Variants in DIAPH2 observed in about 807,000 individuals in gnomAD.
The protein encoded by DIAPH2 is protein diaphanous homolog 2.
Under a neutral mutation model 92.7 loss-of-function variants are expected in DIAPH2, and 35 were observed. The observed-to-expected ratio is 0.38, with a 90% confidence interval of 0.29 to 0.50. The LOEUF (loss-of-function observed/expected upper bound fraction) is 0.50, where lower values mean the gene tolerates loss of function less well. Among genes scored for constraint, DIAPH2 ranks in the 20% least tolerant of loss-of-function variants. DIAPH2 has a pLI of 0.94. For missense variants in DIAPH2, 701 were observed against 819.5 expected (o/e 0.86, Z 1.77); for synonymous variants, 301 against 280.4 (o/e 1.07, Z -0.73).
chrX:97,533,962 C>T (rs2071078431), intron 26 of DIAPH2, among the ~76,000 whole-genome samples: 1 of 111,747 alleles, frequency 8.9e-6, no homozygotes. Flanking sequence ...GTAGTTTACT[C>T]ATTCTAACTC....
At chrX:97,048,858 G>A (rs564426041) in intron 17 of DIAPH2, among the ~76,000 whole-genome samples, 3 of 110,457 alleles carry the variant, frequency 2.7e-5, no homozygotes, top group East Asian at 5.7e-4. Flanking sequence ...GCCAGATTTA[G>A]CCAGTGAGAG....
intron 19 of DIAPH2, among the ~76,000 whole-genome samples, chrX:97,077,154 G>T (rs2066710851): frequency 9.0e-6 from 1 of 111,674 alleles, no homozygotes; most frequent in Non-Finnish European, 1.9e-5. Flanking sequence ...CTTTTATCTA[G>T]ACAAATCAAA....
At chrX:97,377,939 AAG>A (rs2069515916) in intron 24 of DIAPH2, among the ~76,000 whole-genome samples, 1 of 111,011 alleles carries the variant, frequency 9.0e-6, no homozygotes, top group Non-Finnish European at 1.9e-5. Context: ...AGGCGACTGA[AAG>A]AAACAATTTA....
intron 23 of DIAPH2, among the ~76,000 whole-genome samples, chrX:97,311,826 TC>T (rs1434984333): frequency 9.1e-6 from 1 of 110,414 alleles, no homozygotes; most frequent in Non-Finnish European, 1.9e-5. Flanking sequence ...GCCGTTATCA[TC>T]TTTTTTTTTT....
intron 20 of DIAPH2, among the ~76,000 whole-genome samples, chrX:97,111,922 T>C (rs781081754): frequency 2.0e-4 from 22 of 112,632 alleles, no homozygotes; most frequent in African/African-American, 6.4e-4. Context: ...AGGATTGTTT[T>C]GAGAATCAAA....
At chrX:96,739,833 C>T (rs753893381) in intron 3 of DIAPH2, among the ~76,000 whole-genome samples, 1 of 111,727 alleles carries the variant, frequency 9.0e-6, no homozygotes, top group African/African-American at 3.3e-5. Context: ...CTGCTCCTTT[C>T]GTGCTATCTT....
intron 1 of DIAPH2, among the ~76,000 whole-genome samples, chrX:96,719,818 G>T (rs1032522536): frequency 8.0e-5 from 9 of 111,802 alleles, no homozygotes; most frequent in Non-Finnish European, 1.7e-4. Flanking sequence ...AAATTTCTGT[G>T]AAGAATGTCA....
chrX:96,916,297 C>T, intron 7 of DIAPH2, 141 bp from the exon 8 acceptor site: 2 of 502,640 alleles, frequency 4.0e-6, no homozygotes, highest in Middle Eastern at 6.8e-4. Flanking sequence ...CAGATAACTG[C>T]ATTTGAAGAA....
At chrX:96,823,683 T>C (rs772542500) in intron 4 of DIAPH2, among the ~76,000 whole-genome samples, 1 of 111,356 alleles carries the variant, frequency 9.0e-6, no homozygotes, top group African/African-American at 3.2e-5. Flanking sequence ...TTCAATTATA[T>C]TATCTTTATT....
At chrX:96,843,688 A>G (rs1157779380) in intron 4 of DIAPH2, among the ~76,000 whole-genome samples, 1 of 110,573 alleles carries the variant, frequency 9.0e-6, no homozygotes, top group Non-Finnish European at 1.9e-5. Context: ...CCTGTTAACT[A>G]CTCTCGCCCC....
At chrX:97,423,069 A>C (rs189713101) in intron 25 of DIAPH2, among the ~76,000 whole-genome samples, 12 of 111,461 alleles carry the variant, frequency 1.1e-4, no homozygotes, top group Non-Finnish European at 2.1e-4. Context: ...AGGCAAACCT[A>C]GGTGGATGCT....
At chrX:97,350,043 C>T (rs2069197104) in intron 24 of DIAPH2, among the ~76,000 whole-genome samples, 1 of 111,220 alleles carries the variant, frequency 9.0e-6, no homozygotes, top group African/African-American at 3.3e-5. Context: ...GGCGCGGTGG[C>T]TCACACCTGT....
At chrX:97,254,934 G>C (rs1178818186) in intron 23 of DIAPH2, among the ~76,000 whole-genome samples, 7 of 110,333 alleles carry the variant, frequency 6.3e-5, no homozygotes, top group African/African-American at 2.3e-4. Flanking sequence ...TCGAACTCCT[G>C]ACCTTGTGAC....
chrX:96,858,350 C>T (rs764059038), intron 4 of DIAPH2, among the ~76,000 whole-genome samples: 3 of 111,797 alleles, frequency 2.7e-5, no homozygotes, highest in Non-Finnish European at 5.6e-5. Context: ...CTTGGTTGAA[C>T]CTTCCATGTG....
chrX:97,519,142 A>G (rs1486623064), intron 26 of DIAPH2, among the ~76,000 whole-genome samples: 1 of 112,159 alleles, frequency 8.9e-6, no homozygotes, highest in Non-Finnish European at 1.9e-5. Flanking sequence ...CTGCAATTTC[A>G]GGTGCCCAAG....
intron 4 of DIAPH2, among the ~76,000 whole-genome samples, chrX:96,868,386 C>T (rs755773911): frequency 8.9e-6 from 1 of 111,842 alleles, no homozygotes; most frequent in East Asian, 2.8e-4. Flanking sequence ...TTACCAGACT[C>T]AGGGATGATT....
chrX:97,007,838 C>A (rs1357977148), intron 17 of DIAPH2, among the ~76,000 whole-genome samples: 1 of 96,791 alleles, frequency 1.0e-5, no homozygotes, highest in African/African-American at 3.9e-5. Flanking sequence ...TCTTGGCTTG[C>A]TGCAAGCTCC....
At chrX:97,060,207 T>C (rs1414115526) in intron 17 of DIAPH2, among the ~76,000 whole-genome samples, 4 of 112,459 alleles carry the variant, frequency 3.6e-5, no homozygotes, top group Admixed American at 9.4e-5. Flanking sequence ...CCCACAGTGA[T>C]AGGACTGAAG....
chrX:96,942,277 G>A (rs2065709775), intron 13 of DIAPH2, 141 bp downstream of exon 13: 1 of 448,409 alleles, frequency 2.2e-6, no homozygotes, highest in Non-Finnish European at 3.9e-6. Context: ...TTGTGTCTCT[G>A]GGCACTCAAT....
Sources: gnomAD v4.1 joint callset for allele counts (sites outside exome capture counted in the v4.1 genomes callset) on GRCh38, gnomAD v4.1.1 for gene constraint, MANE v1.5 for transcripts, NCBI Gene and HGNC (gene_info 2026-07-23, HGNC 2026-07-21) for gene names.